Variants in HMCN1 observed in about 807,000 individuals in gnomAD.
HMCN1 encodes the protein hemicentin 1, also known as hemicentin-1.
A neutral mutation model predicts 625.9 loss-of-function variants in HMCN1; 321 were observed. The ratio of observed to expected loss-of-function variants is 0.51; its 90% CI spans 0.47 to 0.56. The LOEUF is 0.56. Ranked by LOEUF, HMCN1 falls within the 20% of genes least tolerant of loss-of-function variation. The pLI, the probability that HMCN1 is intolerant of heterozygous loss-of-function variation, is 0.00. For synonymous variants in HMCN1, 2,425 were observed against 2,417.6 expected (o/e 1.00, Z -0.09); for missense variants, 6,588 against 6,887.3 (o/e 0.96, Z 1.54).
intron 35 of HMCN1, among the ~76,000 whole-genome samples, chr1:186,021,586 C>A (rs890693412): frequency 4.6e-5 from 7 of 151,904 alleles, no homozygotes; most frequent in East Asian, 1.9e-4. Flanking sequence ...ATATAATAGT[C>A]CAGACATGAA....
intron 4 of HMCN1, among the ~76,000 whole-genome samples, chr1:185,897,879 A>C (rs1665576598): frequency 6.6e-6 from 1 of 152,086 alleles, no homozygotes; most frequent in African/African-American, 2.4e-5. Context: ...GAATGTTTGC[A>C]TTTACTTTTC....
At chr1:186,074,274 A>G (rs1002601805) in intron 52 of HMCN1, among the ~76,000 whole-genome samples, 2 of 152,038 alleles carry the variant, frequency 1.3e-5, no homozygotes, top group Admixed American at 6.6e-5. Flanking sequence ...TTTTATTTAT[A>G]AAGTAATGAT....
intron 30 of HMCN1, 123 bp from the exon 31 acceptor site, chr1:186,015,036 C>T: frequency 1.2e-6 from 1 of 846,836 alleles, no homozygotes; most frequent in Non-Finnish European, 1.9e-6. Context: ...GGAGATAAAC[C>T]ACAGACTTCC....
At chr1:186,159,010 A>G (rs1167969652) in intron 97 of HMCN1, among the ~76,000 whole-genome samples, 1 of 152,142 alleles carries the variant, frequency 6.6e-6, no homozygotes, top group African/African-American at 2.4e-5. Context: ...GAATCTATAA[A>G]TTACCTTGGG....
At chr1:185,921,182 G>T (rs77275743) in intron 6 of HMCN1, among the ~76,000 whole-genome samples, 2 of 152,180 alleles carry the variant, frequency 1.3e-5, no homozygotes, top group East Asian at 3.9e-4. Context: ...TAACCTTTAT[G>T]CAAATGAGCC....
Position 186,189,964 on chromosome 1 carries a change from G to T in HMCN1, c.*86G>T, listed in dbSNP as rs895946579. The T allele has an allele frequency of 3.7e-5, 55 of 1,491,970 alleles. No individual in the cohort carries two copies. Among genetic ancestry groups the T allele is most frequent in the Admixed American group, 3.0e-4 (18 of 59,830 alleles). 92.4% of individuals were successfully genotyped at this position (1,491,970 alleles called of 1,614,324 possible). On this transcript the variant is annotated 3_prime_UTR_variant, in exon 107 of 107. Coordinates refer to ENST00000271588, the MANE Select transcript of HMCN1 (RefSeq NM_031935.3). The stretch of plus-strand genomic sequence containing the variant: ...CTTCCAGATTACTGTCTCTTGAACA[G>T]TTGCAATCTTGGCAGCTTGAAAATG...
intron 67 of HMCN1, among the ~76,000 whole-genome samples, chr1:186,094,683 C>T (rs1016864804): frequency 6.6e-6 from 1 of 152,090 alleles, no homozygotes; most frequent in Non-Finnish European, 1.5e-5. Flanking sequence ...ACTTTTCTAA[C>T]AATATTAGCA....
At chr1:186,036,391 CAAGAG>C (rs1016719433) in intron 36 of HMCN1, among the ~76,000 whole-genome samples, 1 of 151,920 alleles carries the variant, frequency 6.6e-6, no homozygotes. Flanking sequence ...TGGTGGCAGA[CAAGAG>C]AAGAGAATGA....
chr1:185,923,773 C>A, intron 8 of HMCN1, 120 bp downstream of exon 8: 1 of 812,402 alleles, frequency 1.2e-6, no homozygotes, highest in Non-Finnish European at 2.0e-6. Flanking sequence ...ACTGCATCAC[C>A]AAATTGATGG....
chr1:186,129,055 T>G (rs1661790590), intron 83 of HMCN1, among the ~76,000 whole-genome samples: 1 of 152,058 alleles, frequency 6.6e-6, no homozygotes, highest in East Asian at 1.9e-4. Context: ...TTAATAACAA[T>G]ACATCTCACT....
chr1:186,114,112 G>A lies in HMCN1; in HGVS notation c.11265G>A (p.Gly3755=). Residue 3755 remains glycine, a synonymous_variant, in exon 73 of 107, where the codon GGG becomes GGA. Coordinates refer to ENST00000271588, the MANE Select transcript of HMCN1 (RefSeq NM_031935.3). ...GAAAGGATGGAGCTGTTCTAGCTGG[G>A]AATCATGCAAGGTAACCATACTGGA... ...TWRKDGAVLA[G]NHARYSILEN... is the part of the protein sequence containing the mutation. 6.2e-7 allele frequency: 1 copy of A among 1,614,052 alleles called. No homozygotes were observed. Among genetic ancestry groups the A allele is most frequent in the African/African-American group, 1.3e-5 (1 of 75,036 alleles).
chr1:185,985,014 C>T (rs1651914661), intron 19 of HMCN1, among the ~76,000 whole-genome samples: 2 of 152,072 alleles, frequency 1.3e-5, no homozygotes, highest in African/African-American at 2.4e-5. Context: ...GAAGAAAGTA[C>T]TACAAAATAC....
chr1:186,005,355 T>C (rs1375533672), intron 29 of HMCN1, among the ~76,000 whole-genome samples: 4 of 148,458 alleles, frequency 2.7e-5, no homozygotes, highest in Non-Finnish European at 3.0e-5. Context: ...TAAATGTTTA[T>C]AAACAATTTT....
chr1:186,189,496 T>C lies in HMCN1; in HGVS notation c.16542-16T>C. ...TCCAGATAACTATGTGTATTTGATA[T>C]GTTTGTTGTCCTTAGGTTCTGCCTC... is the stretch of plus-strand genomic sequence containing the variant. On this transcript the variant is annotated splice_polypyrimidine_tract_variant and intron_variant, in intron 106 of 106. Coordinates refer to ENST00000271588, the MANE Select transcript of HMCN1 (RefSeq NM_031935.3). 1.2e-6 allele frequency: 2 copies of C among 1,612,316 alleles called. No individual in the cohort carries two copies. The highest frequency in any genetic ancestry group is 1.1e-5 in the South Asian group (1 of 91,066).
intron 29 of HMCN1, among the ~76,000 whole-genome samples, chr1:186,004,445 G>A (rs1472662140): frequency 6.6e-6 from 1 of 151,984 alleles, no homozygotes; most frequent in Non-Finnish European, 1.5e-5. Flanking sequence ...ATAAAAGATT[G>A]TATTCAAGCT....
intron 105 of HMCN1, among the ~76,000 whole-genome samples, chr1:186,182,746 A>G (rs1017972994): frequency 1.3e-5 from 2 of 152,212 alleles, no homozygotes; most frequent in African/African-American, 4.8e-5. Context: ...CGTTGAGTCT[A>G]CATTGATGTG....
chr1:186,171,342 A>G lies in HMCN1; in HGVS notation c.15580A>G (p.Asn5194Asp). ...AGTTTTGTTTTATTTAACAGATATT[A>G]ATGAATGTCAAGAATCCAGCCCCTG... ...TSDGLSCQDI[N>D]ECQESSPCHQ... The change falls in exon 101 of 107, where the codon AAT becomes GAT. Residue 5194 changes from asparagine (N) to aspartate (D), a missense_variant. By Grantham distance (23) the Asn-to-Asp change is conservative. Transcript: ENST00000271588. The G allele has an allele frequency of 6.2e-7, 1 of 1,610,898 alleles. No individual in the cohort carries two copies. Among genetic ancestry groups the G allele is most frequent in the Non-Finnish European group, 8.5e-7 (1 of 1,177,178 alleles).
At chr1:185,972,767 A>T (rs1650920719) in intron 15 of HMCN1, among the ~76,000 whole-genome samples, 1 of 152,046 alleles carries the variant, frequency 6.6e-6, no homozygotes, top group African/African-American at 2.4e-5. Flanking sequence ...CTTGTCACTG[A>T]TGCTACCTTG....
intron 1 of HMCN1, among the ~76,000 whole-genome samples, chr1:185,754,026 A>G (rs1476584300): frequency 6.6e-6 from 1 of 152,200 alleles, no homozygotes; most frequent in Non-Finnish European, 1.5e-5. Context: ...TTCTGCATCC[A>G]TGGATGGATG....
Sources: gnomAD v4.1 joint callset for allele counts (sites outside exome capture counted in the v4.1 genomes callset) on GRCh38, gnomAD v4.1.1 for gene constraint, MANE v1.5 for transcripts, NCBI Gene and HGNC (gene_info 2026-07-23, HGNC 2026-07-21) for gene names.